The following PTGES3L variants were observed in gnomAD, a reference collection of about 807,000 sequenced individuals.
PTGES3L encodes prostaglandin E synthase 3 like, also known as putative protein PTGES3L.
A neutral mutation model predicts 25.0 loss-of-function variants in PTGES3L; 17 were observed. The observed-to-expected ratio is 0.68, with a 90% CI of 0.47 to 1.02. The LOEUF (loss-of-function observed/expected upper bound fraction) is 1.02, where lower values mean the gene tolerates loss of function less well. PTGES3L is among the 50% of genes least tolerant of loss of function. PTGES3L has a pLI of 0.00. For synonymous variants in PTGES3L, 59 were observed against 65.7 expected, an observed-to-expected ratio of 0.90 and a Z score of 0.50; for missense variants, 202 against 197.5, an observed-to-expected ratio of 1.02 and a Z score of -0.14.
chr17:42,977,910 C>T (rs1185373725), intron 4 of PTGES3L, among the ~76,000 whole-genome samples: 5 of 150,008 alleles, frequency 3.3e-5, no homozygotes, highest in Non-Finnish European at 7.4e-5. Context: ...GAAACACTGT[C>T]TCTACTAAAA....
At position 42,970,674 on chromosome 17, in the gene PTGES3L, G is replaced by GCACACACACACACA. The variant is rs1482998381; in HGVS notation, c.379-333_379-332insTGTGTGTGTGTGTG. ...CCCATGAAGTTGTCTGGCTTAACACGCGCACACACACACACACACACACAC... is the reference window on the plus strand; with the variant it reads ...CCCATGAAGTTGTCTGGCTTAACACGCACACACACACACACGCACACACACACACACACACACAC... On this transcript the variant is annotated intron_variant, in intron 5 of 6. Coordinates refer to ENST00000591916, the MANE Select transcript of PTGES3L (RefSeq NM_001261430.2). Among the ~76,000 whole-genome samples the GCACACACACACACA allele has an allele frequency of 4.5e-3, 473 of 105,680 alleles. 10 individuals carry two copies. Among genetic ancestry groups the GCACACACACACACA allele is most frequent in the African/African-American group, 0.015 (451 of 30,620 alleles). 69.3% of individuals were successfully genotyped at this position (105,680 alleles called of 152,430 possible). A position where few individuals can be genotyped will look rare whatever the true frequency, so the allele number is the denominator to read the frequency against.
At chr17:42,976,676 G>A (rs1233583158) in intron 4 of PTGES3L, among the ~76,000 whole-genome samples, 1 of 151,968 alleles carries the variant, frequency 6.6e-6, no homozygotes, top group Non-Finnish European at 1.5e-5. Flanking sequence ...CACCACACCC[G>A]GCCTTAAAAT....
chr17:42,969,188 T>TGGGTG lies in PTGES3L; in HGVS notation c.433-3_433-2insCACCC, dbSNP rs2049785365. The stretch of plus-strand genomic sequence containing the variant: ...ATCATCAGCACTGTCAGAATCATCC[T>TGGGTG]GGGGGCGGGGGGGAAAAAAGACAAA... On this transcript the variant is annotated splice_polypyrimidine_tract_variant and splice_region_variant and intron_variant, in intron 6 of 6. Transcript: ENST00000591916. 9.9e-7 allele frequency: 1 copy of TGGGTG among 1,010,614 alleles called. No homozygotes were observed. The highest frequency in any genetic ancestry group is 3.4e-5 in the African/African-American group (1 of 29,226). The allele number at this position is 1,010,614 out of a possible 1,614,324, so 62.6% of individuals were successfully genotyped here.
intron 4 of PTGES3L, among the ~76,000 whole-genome samples, chr17:42,976,644 T>C (rs925613712): frequency 4.6e-5 from 7 of 152,102 alleles, no homozygotes; most frequent in Non-Finnish European, 1.0e-4. Context: ...CCTCCTACAG[T>C]GCTGGGATTA....
chr17:42,974,025 T>C (rs908053726), intron 4 of PTGES3L, among the ~76,000 whole-genome samples: 2 of 148,028 alleles, frequency 1.4e-5, no homozygotes, highest in East Asian at 3.9e-4. Context: ...AAAATAAAAA[T>C]AAAAAAAAAT....
intron 4 of PTGES3L, among the ~76,000 whole-genome samples, chr17:42,972,497 T>A (rs958296729): frequency 1.3e-5 from 2 of 152,110 alleles, no homozygotes; most frequent in Non-Finnish European, 1.5e-5. Flanking sequence ...CACGCCTGAC[T>A]GGTTTTGGTG....
chr17:42,979,582 G>A lies in PTGES3L; in HGVS notation c.90C>T (p.His30=). 3.1e-6 allele frequency: 5 copies of A among 1,614,148 alleles called. No homozygotes were observed. Among genetic ancestry groups the A allele is most frequent in the East Asian group, 2.2e-5 (1 of 44,886 alleles). Residue 30 remains histidine, a synonymous_variant, in exon 2 of 7, where the codon CAC becomes CAT. Coordinates refer to ENST00000591916, the MANE Select transcript of PTGES3L (RefSeq NM_001261430.2). Reference sequence around the variant, plus strand: ...CAATGCGGTGATCCTCAATAAGCACGTGGACATCGGTGCTGTCCTCAACAC... The same window carrying A: ...CAATGCGGTGATCCTCAATAAGCACATGGACATCGGTGCTGTCCTCAACAC... ...EFCVEDSTDV[H]VLIEDHRIVF...
At chr17:42,970,153 C>T (rs1422426683) in intron 6 of PTGES3L, 136 bp downstream of exon 6, 9 of 1,055,134 alleles carry the variant, frequency 8.5e-6, no homozygotes, top group Non-Finnish European at 9.8e-6. Context: ...AATATTAGCC[C>T]TCTTGGGTCA....
intron 4 of PTGES3L, among the ~76,000 whole-genome samples, chr17:42,972,521 G>A (rs1051470005): frequency 9.2e-5 from 14 of 152,282 alleles, no homozygotes; most frequent in South Asian, 4.1e-4. Flanking sequence ...ACGGGGTTTC[G>A]CTGTGTTGGC....
intron 4 of PTGES3L, among the ~76,000 whole-genome samples, chr17:42,978,726 C>G (rs756842390): frequency 6.6e-6 from 1 of 152,046 alleles, no homozygotes; most frequent in Non-Finnish European, 1.5e-5. Context: ...ATAAGCCAGG[C>G]GCGGTGGCTC....
intron 4 of PTGES3L, among the ~76,000 whole-genome samples, chr17:42,977,648 A>G (rs1251095585): frequency 2.2e-5 from 3 of 137,000 alleles, no homozygotes; most frequent in Non-Finnish European, 3.1e-5. Flanking sequence ...AAAGAGAGAG[A>G]GGGGGAGGGA....
At position 42,977,546 on chromosome 17, in the gene PTGES3L, G is replaced by C. The variant is rs373365609; in HGVS notation, c.288+1624C>G. Among the ~76,000 whole-genome samples the C allele has an allele frequency of 4.0e-5, 6 of 150,366 alleles. No individual in the cohort carries two copies. The East Asian group carries it at 1.2e-3, about 30-fold the overall frequency. On this transcript the variant is annotated intron_variant, in intron 4 of 6. Coordinates refer to ENST00000591916, the MANE Select transcript of PTGES3L (RefSeq NM_001261430.2). ...TTGAACCCAGGAGGCGGAGGTTGCA[G>C]TGAGCCGAGATGGCGCCATTGCACT...
At chr17:42,974,482 A>G (rs1412609384) in intron 4 of PTGES3L, among the ~76,000 whole-genome samples, 1 of 151,832 alleles carries the variant, frequency 6.6e-6, no homozygotes, top group Non-Finnish European at 1.5e-5. Flanking sequence ...CATTCAAAAG[A>G]TATTTATTGG....
At chr17:42,976,322 G>T (rs1013597789) in intron 4 of PTGES3L, among the ~76,000 whole-genome samples, 4 of 152,114 alleles carry the variant, frequency 2.6e-5, no homozygotes, top group African/African-American at 9.7e-5. Flanking sequence ...TTTAGAAGAT[G>T]CACATTTTTA....
At chr17:42,977,102 T>G (rs1298364255) in intron 4 of PTGES3L, among the ~76,000 whole-genome samples, 1 of 151,648 alleles carries the variant, frequency 6.6e-6, no homozygotes, top group East Asian at 1.9e-4. Context: ...ACCAGCCTAG[T>G]CAACATGGCA....
At chr17:42,971,284 CCACA>C (rs56818030) in intron 5 of PTGES3L, among the ~76,000 whole-genome samples, 1 of 149,502 alleles carries the variant, frequency 6.7e-6, no homozygotes, top group South Asian at 2.1e-4. Flanking sequence ...CGACAGAAAA[CCACA>C]CACACACACA....
chr17:42,979,898 G>A, intron 1 of PTGES3L, 148 bp downstream of exon 1: 1 of 1,446,566 alleles, frequency 6.9e-7, no homozygotes, highest in Admixed American at 2.7e-5. Context: ...GAACATTCAG[G>A]TCACACCTTC....
At chr17:42,972,510 G>A (rs1410333755) in intron 4 of PTGES3L, among the ~76,000 whole-genome samples, 10 of 152,184 alleles carry the variant, frequency 6.6e-5, no homozygotes, top group Non-Finnish European at 1.0e-4. Flanking sequence ...TTTTGGTGGA[G>A]ACGGGGTTTC....
intron 4 of PTGES3L, among the ~76,000 whole-genome samples, chr17:42,978,409 CACAA>C (rs2050002374): frequency 1.3e-5 from 2 of 152,024 alleles, no homozygotes; most frequent in South Asian, 4.2e-4. Flanking sequence ...ATCCATCTCA[CACAA>C]ACACACACAC....
Sources: allele counts gnomAD v4.1 joint callset (sites outside exome capture counted in the v4.1 genomes callset), GRCh38; gene constraint gnomAD v4.1.1; transcripts MANE v1.5; gene names NCBI Gene and HGNC (gene_info 2026-07-23, HGNC 2026-07-21).